Variants in PNPLA8 observed in about 807,000 individuals in gnomAD.
The protein encoded by PNPLA8 is calcium-independent phospholipase A2-gamma.
In PNPLA8, 39 loss-of-function variants were observed where a neutral mutation model predicts 76.9. That is an observed-to-expected ratio of 0.51 (90% CI 0.39 to 0.66). PNPLA8 has a LOEUF of 0.66. Ranked by LOEUF, PNPLA8 falls within the 30% of genes least tolerant of loss-of-function variation. PNPLA8 has a pLI of 0.00. For missense variants in PNPLA8, 887 were observed against 918.0 expected (o/e 0.97, Z 0.44); for synonymous variants, 301 against 307.9 (o/e 0.98, Z 0.24).
At chr7:108,487,490 T>C (rs922041843) in intron 9 of PNPLA8, among the ~76,000 whole-genome samples, 2 of 152,158 alleles carry the variant, frequency 1.3e-5, no homozygotes, top group Admixed American at 6.5e-5. Flanking sequence ...TCATACATAC[T>C]CTCACTTTTC....
rs751478781 is a variant in PNPLA8 at position 108,514,801 on chromosome 7, G to A, written c.691C>T (p.Arg231Trp). 31 of 1,612,736 alleles carry A rather than the reference G, an allele frequency of 1.9e-5. No homozygotes were observed. The highest frequency in any genetic ancestry group is 1.6e-4 in the East Asian group (7 of 44,862). Residue 231 changes from arginine (R) to tryptophan (W), a missense_variant, in exon 3 of 11, where the codon CGG becomes TGG. Arg to Trp is a moderately radical substitution (Grantham distance 101, BLOSUM62 -3). Coordinates refer to ENST00000257694, the MANE Select transcript of PNPLA8 (RefSeq NM_001256007.3). The part of the protein sequence containing the change: ...MSQQKENEHF[R>W]DKSELEDKKV... ...TTATCTTCAAGTTCTGATTTGTCCC[G>A]GAAATGTTCATTTTCCTTTTGTTGA...
chr7:108,519,100 A>T (rs1201626810), intron 2 of PNPLA8, among the ~76,000 whole-genome samples: 1 of 152,044 alleles, frequency 6.6e-6, no homozygotes, highest in African/African-American at 2.4e-5. Flanking sequence ...AAAACTGGCC[A>T]AATTTAAAAG....
At position 108,515,002 on chromosome 7, in the gene PNPLA8, A is replaced by T. The variant is rs1863216313; in HGVS notation, c.490T>A (p.Ser164Thr). ...TCTGGAAAAGGACTCTTTTCTGCTG[A>T]TTTGTCACTATATTTTTTCAGAGAT... The part of the protein sequence containing the change: ...IKSLKKYSDK[S>T]AEKSPFPEEK... Residue 164 changes from serine (S) to threonine (T), a missense_variant, in exon 3 of 11, where the codon TCA becomes ACA. Transcript: ENST00000257694. 6.2e-7 allele frequency: 1 copy of T among 1,607,376 alleles called. No homozygotes were observed. The highest frequency in any genetic ancestry group is 8.5e-7 in the Non-Finnish European group (1 of 1,179,580).
Position 108,479,263 on chromosome 7 carries a change from A to G in PNPLA8, c.1995T>C (p.Ser665=). 1 of 1,613,262 alleles carries G rather than the reference A, an allele frequency of 6.2e-7. No homozygotes were observed. Among genetic ancestry groups the G allele is most frequent in the Non-Finnish European group, 8.5e-7 (1 of 1,179,296 alleles). ...IVSLGTGRYE[S]DVRNTVTYTS... Reference sequence around the variant, plus strand: ...TGTATGTTACCGTGTTTCTCACATCACTCTCATAACGTCCAGTGCCCAGGG... The same window carrying G: ...TGTATGTTACCGTGTTTCTCACATCGCTCTCATAACGTCCAGTGCCCAGGG... Residue 665 remains serine (S), a synonymous_variant, in exon 10 of 11, where the codon AGT becomes AGC. Transcript: ENST00000257694.
At chr7:108,502,044 TATTA>T (rs922392688) in intron 5 of PNPLA8, among the ~76,000 whole-genome samples, 1 of 152,038 alleles carries the variant, frequency 6.6e-6, no homozygotes, top group African/African-American at 2.4e-5. Flanking sequence ...ATTAATAAAG[TATTA>T]ATTAAAACAA....
intron 2 of PNPLA8, among the ~76,000 whole-genome samples, chr7:108,521,224 A>G (rs1214922985): frequency 1.3e-5 from 2 of 152,222 alleles, no homozygotes; most frequent in African/African-American, 4.8e-5. Flanking sequence ...CAGAAGGAAA[A>G]TAAAGAGTCG....
intron 2 of PNPLA8, among the ~76,000 whole-genome samples, chr7:108,519,263 G>A (rs1211495461): frequency 6.6e-6 from 1 of 152,072 alleles, no homozygotes; most frequent in East Asian, 1.9e-4. Flanking sequence ...AGCTGGGCAT[G>A]GTGGCACATG....
chr7:108,510,549 A>G, intron 4 of PNPLA8: 1 of 1,403,290 alleles, frequency 7.1e-7, no homozygotes, highest in Non-Finnish European at 1.0e-6. Flanking sequence ...AAGGTCCGAA[A>G]GGTGTTGCAG....
At chr7:108,516,284 C>T (rs921031776) in intron 2 of PNPLA8, among the ~76,000 whole-genome samples, 7 of 152,170 alleles carry the variant, frequency 4.6e-5, no homozygotes, top group African/African-American at 1.4e-4. Context: ...ATCAATGGAA[C>T]AGAATAGAGA....
intron 1 of PNPLA8, among the ~76,000 whole-genome samples, chr7:108,523,860 A>G (rs1358415678): frequency 6.6e-6 from 1 of 152,218 alleles, no homozygotes; most frequent in Non-Finnish European, 1.5e-5. Context: ...CTTTGAAAGT[A>G]AGGGAAAAAA....
chr7:108,486,300 T>G (rs1032159569), intron 9 of PNPLA8, among the ~76,000 whole-genome samples: 1 of 152,146 alleles, frequency 6.6e-6, no homozygotes, highest in East Asian at 1.9e-4. Flanking sequence ...TTAAAAATTC[T>G]ATTATATTTT....
Position 108,479,460 on chromosome 7 carries a change from T to G in PNPLA8, c.1879-81A>C, listed in dbSNP as rs907459970. ...GAACTATGTAATAAGCTAAATAAATTATTTAAAACCAAGAGGTTCCTTAAA... is the reference window on the plus strand; with the variant it reads ...GAACTATGTAATAAGCTAAATAAATGATTTAAAACCAAGAGGTTCCTTAAA... On this transcript the variant is annotated intron_variant, in intron 9 of 10. Transcript: ENST00000257694. The G allele has an allele frequency of 5.2e-6, 5 of 967,862 alleles. No homozygotes were observed. The African/African-American group carries it at 8.3e-5, about 16-fold the overall frequency. 60.0% of individuals were successfully genotyped at this position (967,862 alleles called of 1,614,324 possible). A position where few individuals can be genotyped will look rare whatever the true frequency, so the allele number is the denominator to read the frequency against.
In PNPLA8 at chr7:108,520,069, G is replaced by A. The variant is rs533711907; in HGVS notation, c.-84+1407C>T. On this transcript the variant is annotated intron_variant, in intron 2 of 10. Transcript: ENST00000257694. ...CCTCTGAAAATAGCTATATAAGTAT[G>A]TGGGCCCCACTGGGATATTTAAGTA... 1.2e-3 allele frequency among the ~76,000 whole-genome samples: 183 copies of A among 152,192 alleles called. 1 individual carries two copies. Among genetic ancestry groups the A allele is most frequent in the African/African-American group, 4.3e-3 (177 of 41,518 alleles).
intron 4 of PNPLA8, among the ~76,000 whole-genome samples, chr7:108,505,589 TTGATCTCG>T (rs1862362408): frequency 1.3e-5 from 2 of 151,218 alleles, no homozygotes; most frequent in Non-Finnish European, 2.9e-5. Flanking sequence ...TCTTGATCGC[TTGATCTCG>T]TGATCTGCCC....
In PNPLA8 at chr7:108,481,817, C is replaced by T. The variant is rs185600377; in HGVS notation, c.1879-2438G>A. Among the ~76,000 whole-genome samples the T allele has an allele frequency of 4.8e-3, 724 of 152,222 alleles. 6 individuals carry two copies. The highest frequency in any genetic ancestry group is 7.6e-3 in the Non-Finnish European group (515 of 67,990). On this transcript the variant is annotated intron_variant, in intron 9 of 10. Coordinates refer to ENST00000257694, the MANE Select transcript of PNPLA8 (RefSeq NM_001256007.3). ...TAGTTTTGTTTTACATTTAGAACTA[C>T]GATCCATTATAAATTATCTTTGTAT...
chr7:108,508,761 C>T (rs926699848), intron 4 of PNPLA8, among the ~76,000 whole-genome samples: 3 of 152,040 alleles, frequency 2.0e-5, no homozygotes, highest in African/African-American at 7.2e-5. Flanking sequence ...AAGCACACTA[C>T]CTGGCTTCAA....
At chr7:108,499,087 A>C (rs1861764533) in intron 5 of PNPLA8, among the ~76,000 whole-genome samples, 1 of 152,236 alleles carries the variant, frequency 6.6e-6, no homozygotes. Flanking sequence ...TCAAGACAAG[A>C]CATGATGAAT....
intron 1 of PNPLA8, among the ~76,000 whole-genome samples, chr7:108,522,633 G>A (rs1366229480): frequency 2.0e-5 from 3 of 152,170 alleles, no homozygotes; most frequent in East Asian, 1.9e-4. Flanking sequence ...TGTGTCACGG[G>A]TGCGTCCTTA....
intron 4 of PNPLA8, chr7:108,510,253 G>A: frequency 2.5e-5 from 39 of 1,535,912 alleles, no homozygotes; most frequent in Non-Finnish European, 3.4e-5. Context: ...TAGAAGAGAA[G>A]AAGAAGGTTC....
Sources: allele counts gnomAD v4.1 joint callset (sites outside exome capture counted in the v4.1 genomes callset), GRCh38; gene constraint gnomAD v4.1.1; transcripts MANE v1.5; gene names NCBI Gene and HGNC (gene_info 2026-07-23, HGNC 2026-07-21).